ATE1: variants seen among roughly 807,000 people sequenced by gnomAD.
ATE1 encodes arginyltransferase 1, also known as arginyl-tRNA--protein transferase 1.
In ATE1, 36 loss-of-function variants were observed where a neutral mutation model predicts 70.5. The ratio of observed to expected loss-of-function variants is 0.51; its 90% CI spans 0.39 to 0.67. The LOEUF (loss-of-function observed/expected upper bound fraction) is 0.67. ATE1 is among the 30% of genes least tolerant of loss of function. The probability of loss-of-function intolerance (pLI) is 0.00; values close to 1 mark genes in which losing one functional copy is unlikely to be tolerated. For missense variants in ATE1, 593 were observed against 629.5 expected, an observed-to-expected ratio of 0.94 and a Z score of 0.62; for synonymous variants, 232 against 219.3, an observed-to-expected ratio of 1.06 and a Z score of -0.51.
At chr10:121,888,038 T>C (rs1950459689) in intron 7 of ATE1, among the ~76,000 whole-genome samples, 1 of 152,154 alleles carries the variant, frequency 6.6e-6, no homozygotes, top group African/African-American at 2.4e-5. Context: ...AGAAATATTA[T>C]CATAATAAGG....
At chr10:121,830,226 G>A (rs1489859729) in intron 10 of ATE1, among the ~76,000 whole-genome samples, 1 of 152,186 alleles carries the variant, frequency 6.6e-6, no homozygotes, top group Non-Finnish European at 1.5e-5. Flanking sequence ...TTCCTGGTGT[G>A]GTAGTGTTGG....
rs1215968521 is a variant in ATE1 at position 121,790,113 on chromosome 10, CAT to C, written c.1378+54_1378+55del. ...CTGTTAAGAGCCACAGCCACACACA[CAT>C]GGATCATAAAAACAAAGCCAATGAT... On this transcript the variant is annotated intron_variant, in intron 11 of 11. Coordinates refer to ENST00000224652, the MANE Select transcript of ATE1 (RefSeq NM_001001976.3). 15 of 1,608,402 alleles carry C rather than the reference CAT, an allele frequency of 9.3e-6. No homozygotes were observed. In the Admixed American group the frequency reaches 1.0e-4, roughly 11 times the overall value.
intron 7 of ATE1, among the ~76,000 whole-genome samples, chr10:121,884,680 G>C (rs2134140513): frequency 6.6e-6 from 1 of 152,274 alleles, no homozygotes; most frequent in Non-Finnish European, 1.5e-5. Context: ...TGCTAGTTTT[G>C]ACTCCACCCC....
chr10:121,866,558 A>G (rs998402695), intron 8 of ATE1, among the ~76,000 whole-genome samples: 1 of 152,106 alleles, frequency 6.6e-6, no homozygotes, highest in African/African-American at 2.4e-5. Context: ...TTAAAAGTAT[A>G]TATTTGTGGC....
intron 10 of ATE1, among the ~76,000 whole-genome samples, chr10:121,810,346 C>T (rs1467050699): frequency 6.6e-6 from 1 of 152,094 alleles, no homozygotes; most frequent in Non-Finnish European, 1.5e-5. Flanking sequence ...TCTTGGCTCA[C>T]TGCAAGCTCT....
At chr10:121,876,114 A>G (rs1950041678) in intron 7 of ATE1, among the ~76,000 whole-genome samples, 1 of 152,138 alleles carries the variant, frequency 6.6e-6, no homozygotes, top group Non-Finnish European at 1.5e-5. Context: ...TCCCCCATTT[A>G]AGAGTTCTGG....
chr10:121,746,007 TG>T lies in ATE1; in HGVS notation c.1379-2150del, dbSNP rs538463276. On this transcript the variant is annotated intron_variant, in intron 11 of 11. Coordinates refer to ENST00000224652, the MANE Select transcript of ATE1 (RefSeq NM_001001976.3). Reference sequence around the variant, plus strand: ...ATTTAAAAGTCCAATATAAAAAATCTGGAGACATATATGTCAGCCTGTTAAT... The same window carrying T: ...ATTTAAAAGTCCAATATAAAAAATCTGAGACATATATGTCAGCCTGTTAAT... Among the ~76,000 whole-genome samples, 32 of 152,310 alleles carry T rather than the reference TG, an allele frequency of 2.1e-4. 1 individual carries two copies. The East Asian group carries it at 6.2e-3, about 29-fold the overall frequency.
intron 11 of ATE1, among the ~76,000 whole-genome samples, chr10:121,775,873 C>T (rs1267182665): frequency 6.6e-6 from 1 of 152,220 alleles, no homozygotes; most frequent in African/African-American, 2.4e-5. Context: ...CTAGCCAATG[C>T]TATGAGATGT....
Position 121,902,458 on chromosome 10 carries a change from T to A in ATE1, c.746A>T (p.Asn249Ile), listed in dbSNP as rs763850034. The change falls in exon 6 of 12, where the codon AAC (asparagine) becomes ATC (isoleucine). Residue 249 changes from asparagine (N) to isoleucine (I), a missense_variant. Physicochemically the swap from Asn to Ile is moderately radical, Grantham distance 149. Around this residue, in one of 3 missense-constraint regions of ATE1, gnomAD observed 467 missense variants for 469.6 expected, o/e 0.99. Transcript: ENST00000224652. ...PSLFPPKAKS[N>I]QPKSLEDLIF... ...TAAATCTTCGAGTGATTTTGGCTGG[T>A]TGGATTTAGCCTTTGGTGGAAACAA... is the stretch of plus-strand genomic sequence containing the variant. The A allele has an allele frequency of 3.0e-5, 49 of 1,614,022 alleles. No individual in the cohort carries two copies. The highest frequency in any genetic ancestry group is 3.8e-5 in the Non-Finnish European group (45 of 1,180,036).
chr10:121,873,205 T>C (rs1949921220), intron 7 of ATE1, among the ~76,000 whole-genome samples: 1 of 152,194 alleles, frequency 6.6e-6, no homozygotes, highest in Non-Finnish European at 1.5e-5. Context: ...ATAAAATTTA[T>C]AAAAATTCTA....
At chr10:121,924,147 A>G (rs921864338) in intron 2 of ATE1, 119 bp downstream of exon 2, 2 of 849,744 alleles carry the variant, frequency 2.4e-6, no homozygotes, top group Non-Finnish European at 3.7e-6. Context: ...ACTACATAAA[A>G]GAATATAATA....
At chr10:121,875,991 A>C (rs1950037949) in intron 7 of ATE1, among the ~76,000 whole-genome samples, 1 of 152,140 alleles carries the variant, frequency 6.6e-6, no homozygotes, top group South Asian at 2.1e-4. Context: ...ACCAGCTCTG[A>C]TTTGTTTTCC....
chr10:121,928,426 C>A, upstream of ATE1: 1 of 1,520,714 alleles, frequency 6.6e-7, no homozygotes, highest in Non-Finnish European at 8.8e-7. Flanking sequence ...CCACCACCGA[C>A]GCCATGGCCG....
chr10:121,891,254 AT>A (rs1165702953), intron 7 of ATE1, among the ~76,000 whole-genome samples: 1 of 152,084 alleles, frequency 6.6e-6, no homozygotes, highest in East Asian at 1.9e-4. Flanking sequence ...CGGGTATGCC[AT>A]TTATATAGCC....
chr10:121,820,464 C>T (rs1283031970), intron 10 of ATE1, among the ~76,000 whole-genome samples: 2 of 152,140 alleles, frequency 1.3e-5, no homozygotes, highest in Middle Eastern at 3.2e-3. Context: ...TTTGATAGCA[C>T]AATTATTAAG....
intron 11 of ATE1, among the ~76,000 whole-genome samples, chr10:121,780,417 A>G (rs1945933307): frequency 6.6e-6 from 1 of 152,084 alleles, no homozygotes; most frequent in Admixed American, 6.6e-5. Context: ...TCCATTGCCC[A>G]CTGCCATCAC....
intron 7 of ATE1, among the ~76,000 whole-genome samples, chr10:121,890,700 A>G (rs1950550369): frequency 6.6e-6 from 1 of 152,210 alleles, no homozygotes; most frequent in Admixed American, 6.5e-5. Flanking sequence ...ATTAGACAAC[A>G]GTATTTTCTA....
At chr10:121,818,256 CAAAAAAAAA>C (rs66792557) in intron 10 of ATE1, among the ~76,000 whole-genome samples, 1 of 63,414 alleles carries the variant, frequency 1.6e-5, no homozygotes, top group African/African-American at 7.0e-5. Context: ...GACTCCATCT[CAAAAAAAAA>C]AAAAAAAAAA....
At chr10:121,801,037 T>C (rs1357225705) in intron 10 of ATE1, among the ~76,000 whole-genome samples, 2 of 152,160 alleles carry the variant, frequency 1.3e-5, no homozygotes, top group Admixed American at 6.5e-5. Flanking sequence ...TTTCAAAAAC[T>C]GTGTTTGGAT....
Sources: gnomAD v4.1 joint callset for allele counts (sites outside exome capture counted in the v4.1 genomes callset) on GRCh38, gnomAD v4.1.1 for gene constraint, gnomAD v4.1.1 regional missense constraint, MANE v1.5 for transcripts, NCBI Gene and HGNC (gene_info 2026-07-23, HGNC 2026-07-21) for gene names.